PCDH15: variants seen among roughly 807,000 people sequenced by gnomAD.
PCDH15 encodes the protein protocadherin related 15, also known as protocadherin-15.
PCDH15 carries 129 observed loss-of-function variants against 178.5 expected under a neutral mutation model. That is an observed-to-expected ratio of 0.72 (90% CI 0.63 to 0.84). The LOEUF (loss-of-function observed/expected upper bound fraction) is 0.84. Among genes scored for constraint, PCDH15 ranks in the 40% least tolerant of loss-of-function variants. The pLI, the probability that PCDH15 is intolerant of heterozygous loss-of-function variation, is 0.00. For missense variants in PCDH15, 2,230 were observed against 2,099.9 expected (o/e 1.06, Z -1.21); for synonymous variants, 800 against 732.0 (o/e 1.09, Z -1.50).
At chr10:54,485,891 G>A (rs1249538089) in intron 3 of PCDH15, among the ~76,000 whole-genome samples, 1 of 152,024 alleles carries the variant, frequency 6.6e-6, no homozygotes, top group Non-Finnish European at 1.5e-5. Flanking sequence ...CTCTTTTGTA[G>A]TGAAATAATA....
intron 1 of PCDH15, among the ~76,000 whole-genome samples, chr10:55,214,006 A>T (rs1449669705): frequency 6.6e-6 from 1 of 151,956 alleles, no homozygotes; most frequent in African/African-American, 2.4e-5. Context: ...TTCCATTAGA[A>T]GCTCTTCTTC....
intron 2 of PCDH15, among the ~76,000 whole-genome samples, chr10:55,146,510 G>A (rs914549796): frequency 6.6e-6 from 1 of 151,896 alleles, no homozygotes; most frequent in African/African-American, 2.4e-5. Context: ...AAGAAAAAAA[G>A]TTTCCTGATG....
Position 54,831,388 on chromosome 10 carries a change from G to A in PCDH15, c.-29+66062C>T, listed in dbSNP as rs1298485046. Among the ~76,000 whole-genome samples the A allele has an allele frequency of 2.6e-5, 4 of 152,080 alleles. No individual in the cohort carries two copies. The East Asian group carries it at 7.7e-4, about 29-fold the overall frequency. On this transcript the variant is annotated intron_variant, in intron 3 of 5. Transcript: ENST00000458638. ...ATTTCAAAAGACACATTAATATATT[G>A]GTAATTAAAGTAAGGTATAGGATTG... is the stretch of plus-strand genomic sequence containing the variant.
At chr10:55,238,935 G>A (rs2132209118) in intron 1 of PCDH15, among the ~76,000 whole-genome samples, 1 of 152,076 alleles carries the variant, frequency 6.6e-6, no homozygotes, top group East Asian at 1.9e-4. Flanking sequence ...AATGAATATT[G>A]TTAACTATTT....
At chr10:54,404,483 C>CT (rs1358901035) in intron 3 of PCDH15, among the ~76,000 whole-genome samples, 2 of 152,058 alleles carry the variant, frequency 1.3e-5, no homozygotes, top group Non-Finnish European at 2.9e-5. Context: ...AAGATTAAAA[C>CT]TAGACCCCTT....
intron 32 of PCDH15, chr10:53,825,270 C>T (rs1324062164): frequency 3.8e-6 from 4 of 1,052,988 alleles, no homozygotes; most frequent in Non-Finnish European, 5.0e-6. Context: ...GTACGTATAT[C>T]AAAAAAAAGG....
intron 35 of PCDH15, 87 bp from the exon 36 acceptor site, chr10:53,811,706 T>A (rs900865313): frequency 1.4e-6 from 1 of 733,626 alleles, no homozygotes; most frequent in African/African-American, 1.8e-5. Flanking sequence ...TAGAATTCCA[T>A]GATTCTCAAA....
intron 2 of PCDH15, among the ~76,000 whole-genome samples, chr10:54,964,551 T>C (rs1838734102): frequency 6.6e-6 from 1 of 152,136 alleles, no homozygotes; most frequent in Admixed American, 6.5e-5. Context: ...TTGTATAAAG[T>C]GTGTGGTCCC....
At chr10:53,915,040 G>A (rs1267904294) in intron 25 of PCDH15, among the ~76,000 whole-genome samples, 2 of 152,126 alleles carry the variant, frequency 1.3e-5, no homozygotes, top group African/African-American at 2.4e-5. Context: ...TGCTTAAGCT[G>A]TTCTTACTAA....
At chr10:54,208,828 T>C (rs2051097556) in intron 10 of PCDH15, among the ~76,000 whole-genome samples, 1 of 152,010 alleles carries the variant, frequency 6.6e-6, no homozygotes, top group Non-Finnish European at 1.5e-5. Context: ...ATAGAAGATA[T>C]GTCATTTGTA....
At chr10:53,814,780 A>G (rs2076001200) in intron 35 of PCDH15, among the ~76,000 whole-genome samples, 1 of 152,070 alleles carries the variant, frequency 6.6e-6, no homozygotes, top group African/African-American at 2.4e-5. Flanking sequence ...CCTGGCCAAT[A>G]TGGTGAAACC....
chr10:54,506,961 A>G (rs566531086), intron 3 of PCDH15, among the ~76,000 whole-genome samples: 6 of 152,102 alleles, frequency 3.9e-5, no homozygotes, highest in Non-Finnish European at 7.4e-5. Flanking sequence ...AACTGATTCA[A>G]AAAAATAATA....
intron 17 of PCDH15, among the ~76,000 whole-genome samples, chr10:54,074,205 G>C (rs2094298536): frequency 6.6e-6 from 1 of 152,120 alleles, no homozygotes; most frequent in Admixed American, 6.5e-5. Context: ...GTATTTGTTT[G>C]TACTATCTCA....
intron 2 of PCDH15, among the ~76,000 whole-genome samples, chr10:54,912,477 G>A (rs1258838039): frequency 6.6e-6 from 1 of 152,116 alleles, no homozygotes; most frequent in Non-Finnish European, 1.5e-5. Flanking sequence ...AGATATGCCT[G>A]CTTCCACTTT....
At chr10:55,247,022 CA>C (rs754202958) in intron 1 of PCDH15, among the ~76,000 whole-genome samples, 13 of 152,188 alleles carry the variant, frequency 8.5e-5, no homozygotes, top group Non-Finnish European at 1.6e-4. Context: ...AGTTTAAGCA[CA>C]AATATGCAAA....
chr10:53,821,666 G>C, intron 32 of PCDH15: 1 of 1,357,124 alleles, frequency 7.4e-7, no homozygotes, highest in Non-Finnish European at 9.5e-7. Flanking sequence ...TAAAAAGTAA[G>C]GTAAATCTAT....
At position 53,903,456 on chromosome 10, in the gene PCDH15, T is replaced by A. The variant is rs192033789; in HGVS notation, c.3374-86A>T. ...TGAAGTAAATATTTGCTGCACTTTTTTTTGGAAACATTGAAAATAAATCAA... is the reference window on the plus strand; with the variant it reads ...TGAAGTAAATATTTGCTGCACTTTTATTTGGAAACATTGAAAATAAATCAA... On this transcript the variant is annotated intron_variant, in intron 25 of 37. Coordinates refer to ENST00000644397, the MANE Select transcript of PCDH15 (RefSeq NM_001384140.1). 1.5e-4 allele frequency: 229 copies of A among 1,507,274 alleles called. 4 individuals carry two copies. The East Asian group carries it at 4.5e-3, about 30-fold the overall frequency. The allele number at this position is 1,507,274 out of a possible 1,614,324, so 93.4% of individuals were successfully genotyped here.
rs1302206188 is a variant in PCDH15 at position 54,970,972 on chromosome 10, G to A, written c.-79-73472C>T. 2.6e-5 allele frequency among the ~76,000 whole-genome samples: 4 copies of A among 152,240 alleles called. No individual in the cohort carries two copies. In the East Asian group the frequency reaches 7.7e-4, roughly 29 times the overall value. ...ACTTGTTTGATTTCACAGGTTCACA[G>A]CAGAAGAGCAAATTCCTCAGAATGA... On this transcript the variant is annotated intron_variant, in intron 2 of 5. Transcript: ENST00000458638.
chr10:54,829,605 T>C (rs987159109), intron 3 of PCDH15, among the ~76,000 whole-genome samples: 1 of 152,068 alleles, frequency 6.6e-6, no homozygotes, highest in African/African-American at 2.4e-5. Context: ...CCAAATTAAT[T>C]TTTTGTGCTC....
Sources: gnomAD v4.1 joint callset for allele counts (sites outside exome capture counted in the v4.1 genomes callset) on GRCh38, gnomAD v4.1.1 for gene constraint, MANE v1.5 for transcripts, NCBI Gene and HGNC (gene_info 2026-07-23, HGNC 2026-07-21) for gene names.